KDM8: variants seen among roughly 807,000 people sequenced by gnomAD.
KDM8 encodes the protein bifunctional peptidase and arginyl-hydroxylase JMJD5.
KDM8 carries 35 observed loss-of-function variants against 46.9 expected under a neutral mutation model. The observed-to-expected ratio is 0.75, with a 90% CI of 0.57 to 0.99. KDM8 has a LOEUF of 0.99. Ranked by LOEUF, KDM8 falls within the 50% of genes least tolerant of loss-of-function variation. The pLI, the probability that KDM8 is intolerant of heterozygous loss-of-function variation, is 0.00. For missense variants in KDM8, 475 were observed against 537.0 expected (o/e 0.88, Z 1.14); for synonymous variants, 232 against 227.7 (o/e 1.02, Z -0.17).
chr16:27,220,585 A>G lies in KDM8; in HGVS notation c.1106A>G (p.Asp369Gly). The change falls in exon 8 of 8, where the codon GAC (aspartate) becomes GGC (glycine). Residue 369 changes from aspartate (D) to glycine (G), a missense_variant. Coordinates refer to ENST00000286096, the MANE Select transcript of KDM8 (RefSeq NM_024773.3). ...CTTCAGGTTGACGTGGAGAATCCCG[A>G]CCTGGAAAAGTTCCCCAAGTTTGCC... ...NTSQVDVENP[D>G]LEKFPKFAKA... 6.2e-7 allele frequency: 1 copy of G among 1,614,122 alleles called. No individual in the cohort carries two copies. Among genetic ancestry groups the G allele is most frequent in the South Asian group, 1.1e-5 (1 of 91,072 alleles).
chr16:27,214,269 C>T (rs1296588784), intron 3 of KDM8: 1 of 156,190 alleles, frequency 6.4e-6, no homozygotes, highest in Non-Finnish European at 1.4e-5. Flanking sequence ...TGGAGTCCGC[C>T]TGTTTTGTGG....
In KDM8 at chr16:27,210,385, G is replaced by C. The variant is rs753480053; in HGVS notation, c.262G>C (p.Asp88His). ...CAACACGGGCACATGGCAGGACGTA[G>C]ACAAAGACTGGCGCCGGGTCTACGC... Reference protein sequence around the residue: ...KLNTGTWQDVDKDWRRVYAIG... With the variant: ...KLNTGTWQDVHKDWRRVYAIG... Residue 88 changes from aspartate to histidine, a missense_variant, in exon 2 of 8, where the codon GAC (aspartate) becomes CAC (histidine). Physicochemically the swap from Asp to His is moderately conservative, Grantham distance 81. Coordinates refer to ENST00000286096, the MANE Select transcript of KDM8 (RefSeq NM_024773.3). The C allele has an allele frequency of 6.2e-7, 1 of 1,613,110 alleles. No individual in the cohort carries two copies. Among genetic ancestry groups the C allele is most frequent in the Non-Finnish European group, 8.5e-7 (1 of 1,179,740 alleles).
chr16:27,204,372 CTG>C, intron 1 of KDM8: 2 of 1,321,054 alleles, frequency 1.5e-6, no homozygotes, highest in Non-Finnish European at 1.9e-6. Context: ...AAACACAAGA[CTG>C]TGTGCCCCTT....
chr16:27,217,862 G>A (rs1456432750), intron 5 of KDM8, among the ~76,000 whole-genome samples: 2 of 151,732 alleles, frequency 1.3e-5, no homozygotes, highest in African/African-American at 2.4e-5. Flanking sequence ...CCAGGGTCCC[G>A]TGAAGAACCC....
intron 6 of KDM8, among the ~76,000 whole-genome samples, chr16:27,219,981 G>A (rs559215535): frequency 1.2e-4 from 18 of 152,318 alleles, no homozygotes; most frequent in Non-Finnish European, 1.8e-4. Flanking sequence ...TTGGGAGACC[G>A]AGTCAGGAGG....
chr16:27,220,422 T>C lies in KDM8; in HGVS notation c.1023T>C (p.Tyr341=). The C allele has an allele frequency of 6.2e-7, 1 of 1,613,980 alleles. No individual in the cohort carries two copies. Among genetic ancestry groups the C allele is most frequent in the Non-Finnish European group, 8.5e-7 (1 of 1,179,972 alleles). The change falls in exon 7 of 8, where the codon TAT becomes TAC. Residue 341 remains tyrosine, a synonymous_variant. Coordinates refer to ENST00000286096, the MANE Select transcript of KDM8 (RefSeq NM_024773.3). ...TGGGGAGGAAGTACATCCGGCTGTA[T>C]TCCCCGCAGGAGTCAGGGGCTCTGT... The part of the protein sequence containing the change: ...QVMGRKYIRL[Y]SPQESGALYP...
At chr16:27,203,812 A>C in intron 1 of KDM8, 176 bp downstream of exon 1, 1 of 396,424 alleles carries the variant, frequency 2.5e-6, no homozygotes, top group Non-Finnish European at 4.6e-6. Flanking sequence ...TGAGAATGCA[A>C]TTTAGCTCGT....
At chr16:27,211,127 T>C (rs1168652405) in intron 2 of KDM8, 1 of 414,708 alleles carries the variant, frequency 2.4e-6, no homozygotes, top group Non-Finnish European at 4.7e-6. Context: ...CTCTCTTTTT[T>C]TTTTTTTTTT....
At chr16:27,211,642 C>T (rs2083485755) in intron 2 of KDM8, 1 of 152,258 alleles carries the variant, frequency 6.6e-6, no homozygotes, top group African/African-American at 2.4e-5. Flanking sequence ...TTTCTAAATG[C>T]TTTGCTATGT....
At chr16:27,214,501 T>G (rs2083525127) in intron 3 of KDM8, 1 of 215,642 alleles carries the variant, frequency 4.6e-6, no homozygotes, top group Non-Finnish European at 9.6e-6. Flanking sequence ...AGTCCCAGGC[T>G]AGAGGGCAGA....
chr16:27,215,111 G>A, intron 4 of KDM8, 103 bp downstream of exon 4: 2 of 1,409,562 alleles, frequency 1.4e-6, no homozygotes, highest in South Asian at 1.2e-5. Context: ...TTTTGGAGGA[G>A]CCAGGCTGTA....
At chr16:27,211,204 C>T (rs1288003951) in intron 2 of KDM8, 1 of 454,484 alleles carries the variant, frequency 2.2e-6, no homozygotes, top group Non-Finnish European at 4.4e-6. Context: ...AGGGAAACAG[C>T]TTAAAGCGAT....
At chr16:27,212,241 TAAAAG>T (rs139639403) in intron 2 of KDM8, among the ~76,000 whole-genome samples, 16,159 of 152,158 alleles carry the variant, frequency 0.11, 1,002 homozygotes, top group Middle Eastern at 0.19. Flanking sequence ...GTTAAAAAAA[TAAAAG>T]AGAGAGATGC....
At chr16:27,207,923 G>A (rs2083442861) in intron 1 of KDM8, among the ~76,000 whole-genome samples, 1 of 152,168 alleles carries the variant, frequency 6.6e-6, no homozygotes, top group Admixed American at 6.5e-5. Context: ...CATTTCAAGT[G>A]GCTTATACAG....
At chr16:27,207,007 TC>T (rs954709937) in intron 1 of KDM8, among the ~76,000 whole-genome samples, 1 of 152,236 alleles carries the variant, frequency 6.6e-6, no homozygotes, top group Non-Finnish European at 1.5e-5. Context: ...AACAATTCTT[TC>T]CTGGCACAAT....
chr16:27,213,218 CGTGTGTGTGTGTGTGTGT>C (rs3063593), intron 2 of KDM8: 1,658 of 139,608 alleles, frequency 0.012, 41 homozygotes, highest in African/African-American at 0.042. Context: ...AGATATTTTG[CGTGTGTGTGTGTGTGTGT>C]GTGTGTGTGT....
chr16:27,211,992 G>A (rs1025537847), intron 2 of KDM8, among the ~76,000 whole-genome samples: 1 of 152,180 alleles, frequency 6.6e-6, no homozygotes, highest in African/African-American at 2.4e-5. Context: ...GCAAGTGGTT[G>A]ACACTAAACA....
At position 27,207,685 on chromosome 16, in the gene KDM8, A is replaced by G. The variant is rs1053905871; in HGVS notation, c.-31-2408A>G. Among the ~76,000 whole-genome samples the G allele has an allele frequency of 7.9e-4, 121 of 152,316 alleles. 1 individual carries two copies. Among genetic ancestry groups the G allele is most frequent in the African/African-American group, 2.8e-3 (115 of 41,578 alleles). On this transcript the variant is annotated intron_variant, in intron 1 of 7. Transcript: ENST00000286096. ...AGCCTTAAACTCCTGAGCTCAAGCAATCTTCCTGCTTCAGCTCCCGGAGTA... is the reference window on the plus strand; with the variant it reads ...AGCCTTAAACTCCTGAGCTCAAGCAGTCTTCCTGCTTCAGCTCCCGGAGTA...
intron 6 of KDM8, among the ~76,000 whole-genome samples, chr16:27,219,504 CCA>C (rs1012490747): frequency 6.6e-6 from 1 of 152,130 alleles, no homozygotes; most frequent in Admixed American, 6.5e-5. Context: ...TTCCTGAGGC[CCA>C]GTCAGAGGAG....
Sources: gnomAD v4.1 joint callset for allele counts (sites outside exome capture counted in the v4.1 genomes callset) on GRCh38, gnomAD v4.1.1 for gene constraint, MANE v1.5 for transcripts, NCBI Gene and HGNC (gene_info 2026-07-23, HGNC 2026-07-21) for gene names.